SLC7A11: variants seen among roughly 807,000 people sequenced by gnomAD.
SLC7A11 encodes solute carrier family 7 member 11.
Under a neutral mutation model 54.5 loss-of-function variants are expected in SLC7A11, and 35 were observed. The ratio of observed to expected loss-of-function variants is 0.64; its 90% CI spans 0.49 to 0.85. SLC7A11 has a LOEUF of 0.85. Among genes scored for constraint, SLC7A11 ranks in the 40% least tolerant of loss-of-function variants. The pLI is 0.00. For synonymous variants in SLC7A11, 230 were observed against 225.2 expected, an observed-to-expected ratio of 1.02 and a Z score of -0.19; for missense variants, 583 against 618.1, an observed-to-expected ratio of 0.94 and a Z score of 0.60.
chr4:138,231,101 TAG>T (rs1738066686), intron 3 of SLC7A11, among the ~76,000 whole-genome samples: 1 of 152,112 alleles, frequency 6.6e-6, no homozygotes, highest in African/African-American at 2.4e-5. Context: ...TCAAATACCA[TAG>T]GTTCTCACTT....
chr4:138,186,002 A>G (rs77675101), intron 6 of SLC7A11, among the ~76,000 whole-genome samples: 2,936 of 152,218 alleles, frequency 0.019, 94 homozygotes, highest in African/African-American at 0.065. Context: ...ATTAGAGGTG[A>G]CATGCTGTGA....
intron 1 of SLC7A11, among the ~76,000 whole-genome samples, chr4:138,239,183 A>C (rs147883434): frequency 1.3e-5 from 2 of 152,298 alleles, no homozygotes; most frequent in African/African-American, 4.8e-5. Flanking sequence ...TATTGGGAAG[A>C]GTCTTAAGTA....
At chr4:138,239,155 G>C (rs949101145) in intron 1 of SLC7A11, among the ~76,000 whole-genome samples, 1 of 152,220 alleles carries the variant, frequency 6.6e-6, no homozygotes, top group East Asian at 1.9e-4. Context: ...GTCCAGAAAA[G>C]GATCCAATAT....
chr4:138,230,402 A>C (rs1738046045), intron 3 of SLC7A11, among the ~76,000 whole-genome samples: 1 of 126,112 alleles, frequency 7.9e-6, no homozygotes, highest in African/African-American at 2.8e-5. Flanking sequence ...CCCTGAACTC[A>C]AAATGAAAGC....
intron 6 of SLC7A11, among the ~76,000 whole-genome samples, chr4:138,204,319 C>T (rs545171692): frequency 1.3e-5 from 2 of 152,152 alleles, no homozygotes; most frequent in South Asian, 2.1e-4. Flanking sequence ...AGATAATATA[C>T]ATCATGTTAT....
In SLC7A11 at chr4:138,168,455, T is replaced by C. The variant is rs1490221590; in HGVS notation, c.*3501A>G. On this transcript the variant is annotated 3_prime_UTR_variant, in exon 12 of 12. Transcript: ENST00000280612. ...TTTAACAAAGGTCAGAGTTGCTCCC[T>C]TTCTTAGCAGTATATTCATCTGCAA... The C allele has an allele frequency of 6.6e-6, 1 of 152,228 alleles. No individual in the cohort carries two copies. The highest frequency in any genetic ancestry group is 2.4e-5 in the African/African-American group (1 of 41,466). The allele number at this position is 152,228 out of a possible 1,614,324, so 9.4% of individuals were successfully genotyped here. A position where few individuals can be genotyped will look rare whatever the true frequency, so the allele number is the denominator to read the frequency against.
Position 138,168,654 on chromosome 4 carries a change from T to C in SLC7A11, c.*3302A>G, listed in dbSNP as rs994376341. On this transcript the variant is annotated 3_prime_UTR_variant, in exon 12 of 12. Coordinates refer to ENST00000280612, the MANE Select transcript of SLC7A11 (RefSeq NM_014331.4). ...CTGTTTCAACGTGAATATCTTAGTG[T>C]TGGAGAAACCGTCATGCATTGCTAA... 2 of 152,184 alleles carry C rather than the reference T, an allele frequency of 1.3e-5. No homozygotes were observed. The highest frequency in any genetic ancestry group is 2.9e-5 in the Non-Finnish European group (2 of 68,020). The allele number at this position is 152,184 out of a possible 1,614,324, so 9.4% of individuals were successfully genotyped here.
At chr4:138,220,347 T>C (rs1335165772) in intron 4 of SLC7A11, among the ~76,000 whole-genome samples, 1 of 152,144 alleles carries the variant, frequency 6.6e-6, no homozygotes, top group African/African-American at 2.4e-5. Flanking sequence ...CAACCTATAA[T>C]AGCAGAGTTG....
At position 138,181,251 on chromosome 4, in the gene SLC7A11, C is replaced by T. The variant is rs556481766; in HGVS notation, c.1117-461G>A. ...CGGTGAGCTCTTGGCTATCCACACC[C>T]AGGAAACACAGACACTCATAGGTGA... On this transcript the variant is annotated intron_variant, in intron 9 of 11. Coordinates refer to ENST00000280612, the MANE Select transcript of SLC7A11 (RefSeq NM_014331.4). Among the ~76,000 whole-genome samples, 5 of 152,220 alleles carry T rather than the reference C, an allele frequency of 3.3e-5. No individual in the cohort carries two copies. In the East Asian group the frequency reaches 5.8e-4, roughly 18 times the overall value.
At chr4:138,237,738 T>TATATATTTA (rs1276520668) in intron 1 of SLC7A11, among the ~76,000 whole-genome samples, 1 of 6,778 alleles carries the variant, frequency 1.5e-4, no homozygotes, top group African/African-American at 5.2e-4. Flanking sequence ...TATATATATA[T>TATATATTTA]TTTTTTTTTT....
chr4:138,235,472 G>A (rs947303882), intron 2 of SLC7A11, among the ~76,000 whole-genome samples: 1 of 151,832 alleles, frequency 6.6e-6, no homozygotes, highest in Non-Finnish European at 1.5e-5. Flanking sequence ...TACTAGCACT[G>A]TATTTGGCAC....
intron 11 of SLC7A11, among the ~76,000 whole-genome samples, chr4:138,178,491 T>C (rs1466184095): frequency 2.6e-5 from 4 of 152,154 alleles, no homozygotes; most frequent in African/African-American, 4.8e-5. Context: ...CCTTTGGGTA[T>C]ATACCCAGTA....
Position 138,232,345 on chromosome 4 carries a change from G to T in SLC7A11, c.442C>A (p.Arg148Ser). The change falls in exon 3 of 12, where the codon CGC becomes AGC. Residue 148 changes from arginine (R) to serine (S), a missense_variant. By Grantham distance (110) the Arg-to-Ser change is moderately radical (BLOSUM62 -1). Coordinates refer to ENST00000280612, the MANE Select transcript of SLC7A11 (RefSeq NM_014331.4). Reference protein sequence around the residue: ...ATAVISLAFGRYILEPFFIQC... With the variant: ...ATAVISLAFGSYILEPFFIQC... ...ATAAAAAATGGTTCCAGAATGTAGCGTCCAAATGCCAGGGATATCACAGCA... is the reference window on the plus strand; with the variant it reads ...ATAAAAAATGGTTCCAGAATGTAGCTTCCAAATGCCAGGGATATCACAGCA... 6.2e-7 allele frequency: 1 copy of T among 1,613,140 alleles called. No individual in the cohort carries two copies. Among genetic ancestry groups the T allele is most frequent in the Non-Finnish European group, 8.5e-7 (1 of 1,179,254 alleles).
At chr4:138,216,000 A>T (rs529243463) in intron 5 of SLC7A11, among the ~76,000 whole-genome samples, 2 of 152,338 alleles carry the variant, frequency 1.3e-5, no homozygotes, top group Admixed American at 1.3e-4. Context: ...TTGGAGCAGG[A>T]TGGTGAGTAG....
In SLC7A11 at chr4:138,214,610, T is replaced by C. The variant is rs35186416; in HGVS notation, c.766A>G (p.Thr256Ala). ...YAGWFYLNFVTEEVENPEKTI... is the reference protein window; with the variant it reads ...YAGWFYLNFVAEEVENPEKTI... ...TTTTCAGGGTTTTCTACTTCTTCAG[T>C]AACAAAGTTGAGGTAAAACCTAAAA... Residue 256 changes from threonine to alanine, a missense_variant, in exon 6 of 12, where the codon ACT becomes GCT. Physicochemically the swap from Thr to Ala is moderately conservative, Grantham distance 58. Coordinates refer to ENST00000280612, the MANE Select transcript of SLC7A11 (RefSeq NM_014331.4). The C allele has an allele frequency of 2.1e-6, 3 of 1,432,992 alleles. No homozygotes were observed. Among genetic ancestry groups the C allele is most frequent in the South Asian group, 1.4e-5 (1 of 72,340 alleles). The allele number at this position is 1,432,992 out of a possible 1,614,324, so 88.8% of individuals were successfully genotyped here.
At chr4:138,202,577 T>G (rs1047524431) in intron 6 of SLC7A11, among the ~76,000 whole-genome samples, 1 of 152,066 alleles carries the variant, frequency 6.6e-6, no homozygotes, top group Non-Finnish European at 1.5e-5. Context: ...AGACAGATAT[T>G]CTGTTTACAT....
rs151082860 is a variant in SLC7A11 at position 138,170,825 on chromosome 4, C to T, written c.*1131G>A. On this transcript the variant is annotated 3_prime_UTR_variant, in exon 12 of 12. Coordinates refer to ENST00000280612, the MANE Select transcript of SLC7A11 (RefSeq NM_014331.4). ...CTTATTTACAGCGACATTTCTTTTG[C>T]AATTTTTATGTTAATATATGCCTTT... The T allele has an allele frequency of 1.5e-4, 23 of 152,238 alleles. No homozygotes were observed. The highest frequency in any genetic ancestry group is 5.1e-4 in the African/African-American group (21 of 41,556). The allele number at this position is 152,238 out of a possible 1,614,324, so 9.4% of individuals were successfully genotyped here.
intron 1 of SLC7A11, among the ~76,000 whole-genome samples, chr4:138,236,695 T>C (rs1738216558): frequency 6.6e-6 from 1 of 152,136 alleles, no homozygotes; most frequent in Admixed American, 6.5e-5. Context: ...TTACTTGAAA[T>C]GACAAAGATA....
At chr4:138,202,258 A>G (rs1025694366) in intron 6 of SLC7A11, among the ~76,000 whole-genome samples, 7 of 152,080 alleles carry the variant, frequency 4.6e-5, no homozygotes, top group Non-Finnish European at 5.9e-5. Flanking sequence ...TTTAAAATCT[A>G]TATTTTTCCT....
Sources: allele counts gnomAD v4.1 joint callset (sites outside exome capture counted in the v4.1 genomes callset), GRCh38; gene constraint gnomAD v4.1.1; transcripts MANE v1.5; gene names NCBI Gene and HGNC (gene_info 2026-07-23, HGNC 2026-07-21).